The following C1orf185 variants were observed in gnomAD, a reference collection of about 807,000 sequenced individuals.
C1orf185 encodes uncharacterized protein C1orf185.
A neutral mutation model predicts 16.1 loss-of-function variants in C1orf185; 13 were observed. The observed-to-expected ratio is 0.81, with a 90% CI of 0.53 to 1.28. The LOEUF (loss-of-function observed/expected upper bound fraction) is 1.28. Ranked by LOEUF, C1orf185 falls within the 50% of genes most tolerant of loss-of-function variation. C1orf185 has a pLI of 0.00. For missense variants in C1orf185, 220 were observed against 225.2 expected, an observed-to-expected ratio of 0.98 and a Z score of 0.15; for synonymous variants, 80 against 76.9, an observed-to-expected ratio of 1.04 and a Z score of -0.21.
chr1:51,124,712 A>C (rs886596463), intron 3 of C1orf185, among the ~76,000 whole-genome samples: 1 of 152,216 alleles, frequency 6.6e-6, no homozygotes, highest in African/African-American at 2.4e-5. Context: ...AGTCATTGCC[A>C]TGGAAAGTGG....
chr1:51,102,459 G>T, intron 1 of C1orf185: 2 of 394,080 alleles, frequency 5.1e-6, no homozygotes, highest in South Asian at 1.1e-4. Context: ...TCAATTTAAC[G>T]GATACTGTTC....
intron 3 of C1orf185, among the ~76,000 whole-genome samples, chr1:51,127,524 G>C (rs374975819): frequency 2.0e-5 from 3 of 152,304 alleles, no homozygotes; most frequent in African/African-American, 7.2e-5. Flanking sequence ...GACCTCAGGT[G>C]ATCCACCTGC....
intron 1 of C1orf185, among the ~76,000 whole-genome samples, chr1:51,104,678 T>C (rs1392298227): frequency 6.6e-6 from 1 of 152,210 alleles, no homozygotes; most frequent in Non-Finnish European, 1.5e-5. Context: ...GAGGGTGCTG[T>C]AGTGAGACAG....
chr1:51,139,887 G>C (rs150642053), intron 3 of C1orf185, among the ~76,000 whole-genome samples: 5 of 152,216 alleles, frequency 3.3e-5, no homozygotes, highest in African/African-American at 9.6e-5. Context: ...TTTTCATTCT[G>C]GTATCCAAGC....
intron 2 of C1orf185, among the ~76,000 whole-genome samples, chr1:51,114,303 G>A (rs1032721204): frequency 6.6e-6 from 1 of 152,216 alleles, no homozygotes; most frequent in African/African-American, 2.4e-5. Context: ...TAAACAAGGG[G>A]AATAGCACCG....
intron 1 of C1orf185, among the ~76,000 whole-genome samples, chr1:51,102,640 A>T (rs1466630995): frequency 1.3e-5 from 2 of 151,950 alleles, no homozygotes; most frequent in African/African-American, 4.8e-5. Flanking sequence ...TTATTTATTT[A>T]TGCCTTCTAT....
intron 3 of C1orf185, among the ~76,000 whole-genome samples, chr1:51,120,114 G>A (rs2148016426): frequency 6.6e-6 from 1 of 152,256 alleles, no homozygotes; most frequent in South Asian, 2.1e-4. Flanking sequence ...GGCTATGAAA[G>A]GAAGCAATAT....
intron 2 of C1orf185, among the ~76,000 whole-genome samples, chr1:51,116,799 G>T (rs1196870664): frequency 6.6e-6 from 1 of 150,734 alleles, no homozygotes; most frequent in Non-Finnish European, 1.5e-5. Context: ...GTAGGTCTTT[G>T]TATATGATAT....
chr1:51,109,919 G>T (rs376681149), intron 1 of C1orf185, among the ~76,000 whole-genome samples: 1 of 151,902 alleles, frequency 6.6e-6, no homozygotes. Context: ...TCCTATTTCT[G>T]TGAAGAATTT....
chr1:51,142,003 A>G (rs1299784415), intron 3 of C1orf185, among the ~76,000 whole-genome samples: 1 of 152,104 alleles, frequency 6.6e-6, no homozygotes, highest in Non-Finnish European at 1.5e-5. Flanking sequence ...TCCAGACCTC[A>G]AGTGATCTGC....
At chr1:51,107,330 A>G (rs1219534542) in intron 1 of C1orf185, 3 of 152,190 alleles carry the variant, frequency 2.0e-5, no homozygotes, top group African/African-American at 7.2e-5. Context: ...GGCTAGTCTA[A>G]AAAAGTGTTT....
chr1:51,142,007 G>A (rs780490987), intron 3 of C1orf185, among the ~76,000 whole-genome samples: 5 of 152,060 alleles, frequency 3.3e-5, no homozygotes, highest in Non-Finnish European at 5.9e-5. Context: ...GACCTCAAGT[G>A]ATCTGCCTGT....
chr1:51,121,711 T>TA (rs1368178400), intron 3 of C1orf185, among the ~76,000 whole-genome samples: 1 of 152,064 alleles, frequency 6.6e-6, no homozygotes, highest in African/African-American at 2.4e-5. Flanking sequence ...TTTAATATAA[T>TA]AAAAAACTAG....
chr1:51,132,078 A>C (rs185346136), intron 3 of C1orf185, among the ~76,000 whole-genome samples: 51 of 152,312 alleles, frequency 3.3e-4, no homozygotes, highest in African/African-American at 1.1e-3. Flanking sequence ...TCAAGGTCAT[A>C]AAATAGGTGA....
intron 3 of C1orf185, chr1:51,129,668 G>A (rs977625343): frequency 6.6e-6 from 1 of 152,286 alleles, no homozygotes; most frequent in Non-Finnish European, 1.5e-5. Context: ...ATTTCTCACA[G>A]TTTTGAAGGC....
At chr1:51,113,506 A>C (rs567542564) in intron 2 of C1orf185, among the ~76,000 whole-genome samples, 2 of 152,148 alleles carry the variant, frequency 1.3e-5, no homozygotes, top group African/African-American at 4.8e-5. Context: ...CAAAATGGTG[A>C]AACCCTCTCT....
downstream of C1orf185, chr1:51,148,174 A>AG (rs1401820903): frequency 6.2e-6 from 1 of 160,800 alleles, no homozygotes; most frequent in Admixed American, 5.9e-5. Context: ...CCCAGGCTAG[A>AG]GTGCAGTGGT....
At chr1:51,118,832 C>T in intron 3 of C1orf185, 31 bp downstream of exon 3, 1 of 1,315,116 alleles carries the variant, frequency 7.6e-7, no homozygotes, top group Non-Finnish European at 1.0e-6. Flanking sequence ...GTAATCTTTT[C>T]AAATAATTTC....
intron 1 of C1orf185, among the ~76,000 whole-genome samples, chr1:51,104,854 A>G (rs1478304331): frequency 6.6e-6 from 1 of 152,202 alleles, no homozygotes; most frequent in Non-Finnish European, 1.5e-5. Flanking sequence ...ATACCACTGT[A>G]AACAGGTTAT....
Sources: gnomAD v4.1 joint callset for allele counts (sites outside exome capture counted in the v4.1 genomes callset) on GRCh38, gnomAD v4.1.1 for gene constraint, MANE v1.5 for transcripts, NCBI Gene and HGNC (gene_info 2026-07-23, HGNC 2026-07-21) for gene names.